Variants in LRBA observed in about 807,000 individuals in gnomAD.
The protein encoded by LRBA is LPS responsive beige-like anchor protein, also known as lipopolysaccharide-responsive and beige-like anchor protein.
A neutral mutation model predicts 330.0 loss-of-function variants in LRBA; 176 were observed. The observed-to-expected ratio is 0.53, with a 90% CI of 0.47 to 0.60. LRBA has a LOEUF of 0.60. Ranked by LOEUF, LRBA falls within the 20% of genes least tolerant of loss-of-function variation. The pLI is 0.00. For synonymous variants in LRBA, 1,230 were observed against 1,193.0 expected, an observed-to-expected ratio of 1.03 and a Z score of -0.64; for missense variants, 3,259 against 3,444.8, an observed-to-expected ratio of 0.95 and a Z score of 1.35.
intron 47 of LRBA, among the ~76,000 whole-genome samples, chr4:150,365,179 TTA>T (rs1268506146): frequency 6.6e-6 from 1 of 151,974 alleles, no homozygotes; most frequent in Non-Finnish European, 1.5e-5. Flanking sequence ...GCGAATTTTT[TTA>T]TGTTTTGTAG....
chr4:150,973,253 C>A (rs1031743810), intron 2 of LRBA, among the ~76,000 whole-genome samples: 1 of 152,126 alleles, frequency 6.6e-6, no homozygotes, highest in Non-Finnish European at 1.5e-5. Flanking sequence ...CTGCAACCTC[C>A]GCCTCCTGGG....
At chr4:150,500,450 G>A (rs1182154797) in intron 40 of LRBA, among the ~76,000 whole-genome samples, 8 of 151,966 alleles carry the variant, frequency 5.3e-5, no homozygotes, top group South Asian at 2.1e-4. Flanking sequence ...GGTGGCGGGC[G>A]CCTGTAATCC....
chr4:150,479,196 T>C (rs1304142599), intron 42 of LRBA, among the ~76,000 whole-genome samples: 2 of 151,956 alleles, frequency 1.3e-5, no homozygotes, highest in Admixed American at 1.3e-4. Context: ...AGTGATTCGC[T>C]TGAGCCCAGC....
intron 35 of LRBA, among the ~76,000 whole-genome samples, chr4:150,735,755 A>AG (rs1191595529): frequency 6.6e-6 from 1 of 152,226 alleles, no homozygotes; most frequent in Non-Finnish European, 1.5e-5. Flanking sequence ...TTCCCAAGTG[A>AG]GAACAGAAAA....
Position 150,315,611 on chromosome 4 carries a change from G to A in LRBA, c.7643C>T (p.Ala2548Val), listed in dbSNP as rs772237664. The stretch of plus-strand genomic sequence containing the variant: ...CAGCTGGTATGGCTGGTCTTGTACA[G>A]CACCTTGATGAGCTGGAATTCACAA... ...KWHNLPAHQG[A>V]VQDQPYQLPV... Residue 2548 changes from alanine to valine, a missense_variant, in exon 51 of 57, where the codon GCT becomes GTT. Ala to Val is a moderately conservative substitution (Grantham distance 64). Coordinates refer to ENST00000651943, the MANE Select transcript of LRBA (RefSeq NM_001364905.1). 6.3e-7 allele frequency: 1 copy of A among 1,583,134 alleles called. No individual in the cohort carries two copies. The highest frequency in any genetic ancestry group is 8.5e-7 in the Non-Finnish European group (1 of 1,170,448).
Position 150,828,277 on chromosome 4 carries a change from C to T in LRBA, c.5074G>A (p.Gly1692Arg). The change falls in exon 30 of 57, where the codon GGA (glycine) becomes AGA (arginine). Residue 1692 changes from glycine (G) to arginine (R), a missense_variant. Gly to Arg is a moderately radical substitution (Grantham distance 125). Transcript: ENST00000651943. ...LRSLVNIPAD[G>R]VTVDPALLPP... ...AGAAGGGCAGGATCCACTGTGACTC[C>T]ATCTGCTGGTATGTTAACCAAGCTT... 1 of 1,614,160 alleles carries T rather than the reference C, an allele frequency of 6.2e-7. No individual in the cohort carries two copies. The highest frequency in any genetic ancestry group is 8.5e-7 in the Non-Finnish European group (1 of 1,180,000).
At chr4:150,949,486 C>T (rs1291246120) in intron 2 of LRBA, among the ~76,000 whole-genome samples, 3 of 151,938 alleles carry the variant, frequency 2.0e-5, no homozygotes, top group Non-Finnish European at 4.4e-5. Context: ...TCGATTATAC[C>T]AATATCAATA....
chr4:150,816,151 A>G (rs1340566964), intron 31 of LRBA, among the ~76,000 whole-genome samples: 2 of 151,998 alleles, frequency 1.3e-5, no homozygotes, highest in African/African-American at 4.8e-5. Context: ...AAGGTGGAAC[A>G]GCAGAATAGA....
chr4:150,468,603 T>C (rs971871416), intron 43 of LRBA, among the ~76,000 whole-genome samples: 2 of 152,086 alleles, frequency 1.3e-5, no homozygotes, highest in Non-Finnish European at 2.9e-5. Flanking sequence ...TCCCAGTTCC[T>C]ATTTACTAGT....
At chr4:150,935,070 G>A (rs1579252603) in intron 2 of LRBA, among the ~76,000 whole-genome samples, 1 of 150,516 alleles carries the variant, frequency 6.6e-6, no homozygotes, top group African/African-American at 2.4e-5. Context: ...CAGCTACTCA[G>A]GAGGTTGAGG....
At chr4:150,774,368 C>T (rs1006707041) in intron 34 of LRBA, among the ~76,000 whole-genome samples, 1 of 152,150 alleles carries the variant, frequency 6.6e-6, no homozygotes, top group African/African-American at 2.4e-5. Context: ...CCAGCCGAGA[C>T]CAGGACTCCT....
At chr4:150,767,916 TAGTC>T (rs1279282673) in intron 34 of LRBA, among the ~76,000 whole-genome samples, 1 of 150,740 alleles carries the variant, frequency 6.6e-6, no homozygotes, top group Admixed American at 6.6e-5. Context: ...ATACAAAAAT[TAGTC>T]AGGCGTGGTG....
At chr4:150,981,410 C>CAAAAAAAAAA (rs58638225) in intron 2 of LRBA, among the ~76,000 whole-genome samples, 1 of 106,436 alleles carries the variant, frequency 9.4e-6, no homozygotes, top group Non-Finnish European at 1.9e-5. Flanking sequence ...GAGACTGTCT[C>CAAAAAAAAAA]AAAAAAAAAA....
chr4:150,572,612 A>G (rs150582608), intron 40 of LRBA, among the ~76,000 whole-genome samples: 3 of 152,274 alleles, frequency 2.0e-5, no homozygotes, highest in African/African-American at 7.2e-5. Context: ...AAAACTTCAA[A>G]AAGTTACAAT....
intron 37 of LRBA, among the ~76,000 whole-genome samples, chr4:150,627,182 A>G (rs1021190307): frequency 8.5e-5 from 13 of 152,246 alleles, no homozygotes; most frequent in African/African-American, 2.4e-4. Flanking sequence ...TCCTATTTCA[A>G]CAAAACACAA....
At chr4:150,759,770 G>A (rs1195107587) in intron 35 of LRBA, among the ~76,000 whole-genome samples, 2 of 151,660 alleles carry the variant, frequency 1.3e-5, no homozygotes, top group African/African-American at 2.4e-5. Context: ...TGTATCCTCC[G>A]TAGCAAGAAT....
chr4:150,553,233 T>C lies in LRBA; in HGVS notation c.6330+34815A>G, dbSNP rs527439847. Among the ~76,000 whole-genome samples, 29 of 151,796 alleles carry C rather than the reference T, an allele frequency of 1.9e-4. No individual in the cohort carries two copies. In the South Asian group the frequency reaches 4.2e-3, roughly 22 times the overall value. The stretch of plus-strand genomic sequence containing the variant: ...ATCGCAAGGACAGAAAACCAAACAC[T>C]GCATGTTCTCACTCATAGGTGGGAA... On this transcript the variant is annotated intron_variant, in intron 40 of 56. Transcript: ENST00000651943.
At chr4:150,865,523 C>T (rs1014623316) in intron 22 of LRBA, among the ~76,000 whole-genome samples, 5 of 152,112 alleles carry the variant, frequency 3.3e-5, no homozygotes, top group African/African-American at 4.8e-5. Context: ...GTGACTAAAA[C>T]AAAGCCATTT....
intron 36 of LRBA, among the ~76,000 whole-genome samples, chr4:150,704,095 C>A (rs749970721): frequency 6.6e-6 from 1 of 152,020 alleles, no homozygotes; most frequent in Non-Finnish European, 1.5e-5. Flanking sequence ...CACCTGTAGT[C>A]CCAGCTAACC....
Sources: gnomAD v4.1 joint callset for allele counts (sites outside exome capture counted in the v4.1 genomes callset) on GRCh38, gnomAD v4.1.1 for gene constraint, MANE v1.5 for transcripts, NCBI Gene and HGNC (gene_info 2026-07-23, HGNC 2026-07-21) for gene names.